Variants in LRFN5 observed in about 807,000 individuals in gnomAD.
The protein encoded by LRFN5 is leucine-rich repeat and fibronectin type-III domain-containing protein 5.
A neutral mutation model predicts 45.6 loss-of-function variants in LRFN5; 24 were observed. The ratio of observed to expected loss-of-function variants is 0.53; its 90% CI spans 0.38 to 0.74. The LOEUF is 0.74. Among genes scored for constraint, LRFN5 ranks in the 30% least tolerant of loss-of-function variants. LRFN5 has a pLI of 0.00. For missense variants in LRFN5, 776 were observed against 861.5 expected (o/e 0.90, Z 1.24); for synonymous variants, 340 against 313.8 (o/e 1.08, Z -0.88).
At chr14:41,708,064 G>C (rs1394670526) in intron 1 of LRFN5, among the ~76,000 whole-genome samples, 1 of 151,900 alleles carries the variant, frequency 6.6e-6, no homozygotes, top group Non-Finnish European at 1.5e-5. Flanking sequence ...ACCAATTTTT[G>C]ATATTAAAAC....
At chr14:41,795,498 T>C (rs1216649890) in intron 2 of LRFN5, among the ~76,000 whole-genome samples, 1 of 152,092 alleles carries the variant, frequency 6.6e-6, no homozygotes, top group Non-Finnish European at 1.5e-5. Context: ...TGTGGCACTA[T>C]TACAATAGCA....
At chr14:41,759,918 G>T (rs1049779981) in intron 1 of LRFN5, among the ~76,000 whole-genome samples, 1 of 152,144 alleles carries the variant, frequency 6.6e-6, no homozygotes, top group Non-Finnish European at 1.5e-5. Flanking sequence ...CAGATGATGC[G>T]CTATTATGTA....
intron 2 of LRFN5, among the ~76,000 whole-genome samples, chr14:41,804,112 A>G (rs1236428564): frequency 6.6e-6 from 1 of 152,006 alleles, no homozygotes; most frequent in Non-Finnish European, 1.5e-5. Flanking sequence ...GATCCGCCCA[A>G]AGCCTCTGAA....
At chr14:41,668,504 C>T (rs1298335024) in intron 1 of LRFN5, among the ~76,000 whole-genome samples, 1 of 152,040 alleles carries the variant, frequency 6.6e-6, no homozygotes. Context: ...CACATTACTA[C>T]GTAGTCAAAT....
chr14:41,790,280 G>A (rs897004001), intron 2 of LRFN5, among the ~76,000 whole-genome samples: 11 of 151,656 alleles, frequency 7.3e-5, no homozygotes, highest in Admixed American at 6.6e-4. Flanking sequence ...CTGTGGTAGT[G>A]TTCTCTTTTT....
At chr14:41,808,234 G>GGAAGGAAT (rs1446806210) in intron 2 of LRFN5, among the ~76,000 whole-genome samples, 2 of 111,508 alleles carry the variant, frequency 1.8e-5, no homozygotes, top group African/African-American at 6.6e-5. Context: ...AAGGAAGGAA[G>GGAAGGAAT]GAATTGAGGG....
intron 2 of LRFN5, among the ~76,000 whole-genome samples, chr14:41,793,466 CTT>C (rs777354433): frequency 7.2e-5 from 11 of 151,934 alleles, no homozygotes; most frequent in Non-Finnish European, 1.3e-4. Flanking sequence ...TACTAGAAAA[CTT>C]TTTAAATATA....
At chr14:41,867,944 G>A (rs1889895101) in intron 2 of LRFN5, among the ~76,000 whole-genome samples, 1 of 152,082 alleles carries the variant, frequency 6.6e-6, no homozygotes, top group South Asian at 2.1e-4. Context: ...GATAGAAAGT[G>A]TAGGACAGAT....
chr14:41,628,923 C>T (rs991637037), intron 1 of LRFN5, among the ~76,000 whole-genome samples: 1 of 152,124 alleles, frequency 6.6e-6, no homozygotes, highest in African/African-American at 2.4e-5. Context: ...GCATGTTGGA[C>T]TTGCTGTTTA....
intron 1 of LRFN5, among the ~76,000 whole-genome samples, chr14:41,735,532 C>T (rs543104577): frequency 1.6e-4 from 25 of 152,222 alleles, no homozygotes; most frequent in South Asian, 6.2e-4. Flanking sequence ...TCAGCCCCCC[C>T]ACGTGCTGGG....
At chr14:41,851,025 T>C (rs1390569223) in intron 2 of LRFN5, among the ~76,000 whole-genome samples, 1 of 151,808 alleles carries the variant, frequency 6.6e-6, no homozygotes, top group Non-Finnish European at 1.5e-5. Flanking sequence ...TTGAAATGTG[T>C]GTAACATAGT....
intron 1 of LRFN5, among the ~76,000 whole-genome samples, chr14:41,714,151 CAT>C (rs1883393590): frequency 6.6e-6 from 1 of 151,994 alleles, no homozygotes; most frequent in Admixed American, 6.6e-5. Context: ...AAATGGAAAA[CAT>C]AAGATTTTTA....
At chr14:41,822,635 T>C (rs1888151383) in intron 2 of LRFN5, among the ~76,000 whole-genome samples, 1 of 152,060 alleles carries the variant, frequency 6.6e-6, no homozygotes, top group Non-Finnish European at 1.5e-5. Flanking sequence ...TTGGGAACAA[T>C]GTTCTGTAAA....
At chr14:41,811,808 G>A (rs1157622547) in intron 2 of LRFN5, among the ~76,000 whole-genome samples, 2 of 151,966 alleles carry the variant, frequency 1.3e-5, no homozygotes, top group Non-Finnish European at 2.9e-5. Flanking sequence ...TGGACTGGGG[G>A]TTTCATTTTT....
chr14:41,714,709 C>A (rs1342331996), intron 1 of LRFN5, among the ~76,000 whole-genome samples: 1 of 151,996 alleles, frequency 6.6e-6, no homozygotes, highest in African/African-American at 2.4e-5. Flanking sequence ...AGTTCAAGAC[C>A]AGCCTGAGCA....
intron 2 of LRFN5, among the ~76,000 whole-genome samples, chr14:41,829,199 A>G (rs1888396064): frequency 6.6e-6 from 1 of 151,952 alleles, no homozygotes; most frequent in Admixed American, 6.6e-5. Context: ...TATACTCTGC[A>G]TTCTATGAAG....
intron 2 of LRFN5, among the ~76,000 whole-genome samples, chr14:41,794,302 A>G (rs1887040762): frequency 6.6e-6 from 1 of 152,078 alleles, no homozygotes; most frequent in Non-Finnish European, 1.5e-5. Flanking sequence ...TAATAATTCA[A>G]TACATTCTAT....
rs79947769 is a variant in LRFN5 at position 41,639,311 on chromosome 14, A to G, written c.-197+30749A>G. Among the ~76,000 whole-genome samples, 55 of 152,202 alleles carry G rather than the reference A, an allele frequency of 3.6e-4. No homozygotes were observed. The East Asian group carries it at 8.3e-3, about 23-fold the overall frequency. On this transcript the variant is annotated intron_variant, in intron 1 of 5. Coordinates refer to ENST00000298119, the MANE Select transcript of LRFN5 (RefSeq NM_152447.5). ...ATAAATACTCTAATTTAGAAGTCACATAACAGTATTATGCAGTCTTCTCTT... is the reference window on the plus strand; with the variant it reads ...ATAAATACTCTAATTTAGAAGTCACGTAACAGTATTATGCAGTCTTCTCTT...
chr14:41,866,171 T>C (rs1889834217), intron 2 of LRFN5, among the ~76,000 whole-genome samples: 1 of 152,166 alleles, frequency 6.6e-6, no homozygotes, highest in South Asian at 2.1e-4. Flanking sequence ...AGAAGTTTTA[T>C]GGGGTTAGAT....
Sources: allele counts gnomAD v4.1 joint callset (sites outside exome capture counted in the v4.1 genomes callset), GRCh38; gene constraint gnomAD v4.1.1; transcripts MANE v1.5; gene names NCBI Gene and HGNC (gene_info 2026-07-23, HGNC 2026-07-21).